The following PLEKHA6 variants were observed in gnomAD, a reference collection of about 807,000 sequenced individuals.
PLEKHA6 encodes pleckstrin homology domain containing A6.
PLEKHA6 carries 60 observed loss-of-function variants against 116.7 expected under a neutral mutation model. The observed-to-expected ratio is 0.51, with a 90% CI of 0.42 to 0.64. The LOEUF (loss-of-function observed/expected upper bound fraction) is 0.64. Among genes scored for constraint, PLEKHA6 ranks in the 30% least tolerant of loss-of-function variants. The pLI, the probability that PLEKHA6 is intolerant of heterozygous loss-of-function variation, is 0.00. For synonymous variants in PLEKHA6, 489 were observed against 556.1 expected (o/e 0.88, Z 1.70); for missense variants, 1,338 against 1,422.7 (o/e 0.94, Z 0.96).
At chr1:204,237,252 T>C (rs1407660576) in intron 17 of PLEKHA6, among the ~76,000 whole-genome samples, 1 of 152,200 alleles carries the variant, frequency 6.6e-6, no homozygotes, top group Non-Finnish European at 1.5e-5. Context: ...GGCATAGATA[T>C]ACTTAGCAGC....
At position 204,311,937 on chromosome 1, in the gene PLEKHA6, T is replaced by C. The variant is rs770500641; in HGVS notation, c.-94-37128A>G. 8.5e-5 allele frequency among the ~76,000 whole-genome samples: 13 copies of C among 152,310 alleles called. No homozygotes were observed. In the South Asian group the frequency reaches 1.5e-3, roughly 17 times the overall value. Reference sequence around the variant, plus strand: ...AGCCCATTTCTTACCCTTCCTACTATAGGCATTAAGTTGGTGCTACATGAC... The same window carrying C: ...AGCCCATTTCTTACCCTTCCTACTACAGGCATTAAGTTGGTGCTACATGAC... On this transcript the variant is annotated intron_variant, in intron 1 of 22. Coordinates refer to ENST00000272203, the MANE Select transcript of PLEKHA6 (RefSeq NM_014935.5).
At chr1:204,312,909 C>CCCTT (rs773910557) in intron 1 of PLEKHA6, among the ~76,000 whole-genome samples, 14 of 143,892 alleles carry the variant, frequency 9.7e-5, no homozygotes, top group East Asian at 8.5e-4. Flanking sequence ...TCCTTTCCCT[C>CCCTT]CCTTCCTTCC....
At chr1:204,369,993 C>A (rs1456499243) in intron 2 of PLEKHA6, among the ~76,000 whole-genome samples, 1 of 152,204 alleles carries the variant, frequency 6.6e-6, no homozygotes. Flanking sequence ...GGTTCATAAT[C>A]CTCTCCCCAT....
chr1:204,325,827 A>C, intron 1 of PLEKHA6: 8 of 751,574 alleles, frequency 1.1e-5, no homozygotes, highest in Non-Finnish European at 1.1e-5. Context: ...TTAGTCCTGC[A>C]GAGATCTCAG....
intron 1 of PLEKHA6, among the ~76,000 whole-genome samples, chr1:204,287,559 C>G (rs1669322968): frequency 6.6e-6 from 1 of 152,116 alleles, no homozygotes; most frequent in African/African-American, 2.4e-5. Context: ...AGAGTTCTCC[C>G]CGCAACTCTC....
chr1:204,286,093 G>A (rs2102997408), intron 1 of PLEKHA6, among the ~76,000 whole-genome samples: 1 of 133,930 alleles, frequency 7.5e-6, no homozygotes, highest in Admixed American at 7.9e-5. Flanking sequence ...TCCAGACCTG[G>A]ATCCTATGGA....
chr1:204,326,832 G>A (rs904868635), intron 1 of PLEKHA6: 18 of 215,500 alleles, frequency 8.4e-5, no homozygotes, highest in Non-Finnish European at 1.3e-4. Flanking sequence ...ACTAGGACTT[G>A]ACCTCACTCA....
At chr1:204,330,731 A>G (rs1672414329) in intron 1 of PLEKHA6, among the ~76,000 whole-genome samples, 1 of 145,862 alleles carries the variant, frequency 6.9e-6, no homozygotes, top group Non-Finnish European at 1.5e-5. Context: ...GCTACCGAAG[A>G]GGAAGCAGCC....
At chr1:204,370,830 G>T (rs1297381331) in intron 2 of PLEKHA6, among the ~76,000 whole-genome samples, 2 of 152,076 alleles carry the variant, frequency 1.3e-5, no homozygotes, top group Non-Finnish European at 2.9e-5. Flanking sequence ...GAGGTGGGTG[G>T]ATCACCTGAG....
In PLEKHA6 at chr1:204,351,354, C is replaced by T. The variant is rs373592575; in HGVS notation, c.-95+8340G>A. 3.3e-5 allele frequency among the ~76,000 whole-genome samples: 5 copies of T among 152,308 alleles called. No individual in the cohort carries two copies. In the East Asian group the frequency reaches 7.7e-4, roughly 24 times the overall value. On this transcript the variant is annotated intron_variant, in intron 1 of 22. Coordinates refer to ENST00000272203, the MANE Select transcript of PLEKHA6 (RefSeq NM_014935.5). ...CCAGTTCCATCACCCAAGCCGAACC[C>T]GACCCCTCCCACCTTCTCTACAGAG...
intron 1 of PLEKHA6, among the ~76,000 whole-genome samples, chr1:204,348,575 C>T (rs1396382338): frequency 3.3e-5 from 5 of 152,100 alleles, no homozygotes; most frequent in Admixed American, 6.5e-5. Flanking sequence ...TTCCTTCATT[C>T]GCTCCTGCTT....
chr1:204,252,931 G>A (rs568463157), intron 9 of PLEKHA6, among the ~76,000 whole-genome samples: 1 of 152,352 alleles, frequency 6.6e-6, no homozygotes, highest in East Asian at 1.9e-4. Context: ...AGTAGAGGAA[G>A]CGAGCAGGAG....
At chr1:204,232,236 T>G (rs1339117711) in intron 17 of PLEKHA6, among the ~76,000 whole-genome samples, 1 of 152,244 alleles carries the variant, frequency 6.6e-6, no homozygotes, top group Non-Finnish European at 1.5e-5. Context: ...TGGCCTGGTT[T>G]CTCTTTGTAC....
intron 1 of PLEKHA6, among the ~76,000 whole-genome samples, chr1:204,325,378 T>C (rs76171295): frequency 0.045 from 6,842 of 152,274 alleles, 165 homozygotes; most frequent in African/African-American, 0.051. Flanking sequence ...TGTCCCAGTT[T>C]GCCCAGGACT....
chr1:204,341,911 G>C (rs965998397), intron 1 of PLEKHA6, among the ~76,000 whole-genome samples: 1 of 152,208 alleles, frequency 6.6e-6, no homozygotes, highest in Non-Finnish European at 1.5e-5. Context: ...GAGTGGCCGG[G>C]TGCAGTGGCT....
rs772016160 is a variant in PLEKHA6, at chr1:204,248,987, G to A, written c.1675-17C>T. On this transcript the variant is annotated splice_polypyrimidine_tract_variant and intron_variant, in intron 11 of 22. Coordinates refer to ENST00000272203, the MANE Select transcript of PLEKHA6 (RefSeq NM_014935.5). Reference sequence around the variant, plus strand: ...CAGGCTCTCCTGAAGAAAGGCAGGGGAATGACATGAGCAGCCCTGACAGCT... The same window carrying A: ...CAGGCTCTCCTGAAGAAAGGCAGGGAAATGACATGAGCAGCCCTGACAGCT... 6.8e-6 allele frequency: 11 copies of A among 1,612,940 alleles called. No homozygotes were observed. Among genetic ancestry groups the A allele is most frequent in the African/African-American group, 1.3e-5 (1 of 75,040 alleles).
intron 17 of PLEKHA6, among the ~76,000 whole-genome samples, chr1:204,233,204 T>C (rs1661448694): frequency 6.9e-6 from 1 of 145,904 alleles, no homozygotes; most frequent in South Asian, 2.2e-4. Flanking sequence ...TTTTTTTGTC[T>C]AGCTCTGTTG....
At chr1:204,260,078 T>G (rs57081944) in intron 7 of PLEKHA6, among the ~76,000 whole-genome samples, 7,671 of 152,216 alleles carry the variant, frequency 0.05, 570 homozygotes, top group African/African-American at 0.17. Flanking sequence ...CCTCACCTAG[T>G]CTTGGTCCTC....
At chr1:204,374,809 G>C (rs149947977) in intron 1 of PLEKHA6, among the ~76,000 whole-genome samples, 229 of 152,166 alleles carry the variant, frequency 1.5e-3, no homozygotes, top group Non-Finnish European at 2.8e-3. Context: ...TTCAACAGTA[G>C]TCACTCCTAG....
Sources: gnomAD v4.1 joint callset for allele counts (sites outside exome capture counted in the v4.1 genomes callset) on GRCh38, gnomAD v4.1.1 for gene constraint, MANE v1.5 for transcripts, NCBI Gene and HGNC (gene_info 2026-07-23, HGNC 2026-07-21) for gene names.